The following BAIAP2L1 variants were observed in gnomAD, a reference collection of about 807,000 sequenced individuals.
BAIAP2L1 encodes BAR/IMD domain containing adaptor protein 2 like 1.
A neutral mutation model predicts 66.3 loss-of-function variants in BAIAP2L1; 35 were observed. The ratio of observed to expected loss-of-function variants is 0.53; its 90% CI spans 0.40 to 0.70. The LOEUF is 0.70. Among genes scored for constraint, BAIAP2L1 ranks in the 30% least tolerant of loss-of-function variants. BAIAP2L1 has a pLI of 0.00. For missense variants in BAIAP2L1, 622 were observed against 656.9 expected (o/e 0.95, Z 0.58); for synonymous variants, 269 against 248.7 (o/e 1.08, Z -0.77).
intron 5 of BAIAP2L1, among the ~76,000 whole-genome samples, chr7:98,319,290 CT>C (rs1801173421): frequency 6.6e-6 from 1 of 152,190 alleles, no homozygotes; most frequent in African/African-American, 2.4e-5. Context: ...CTGGATAAAC[CT>C]GCTGAAATGG....
At chr7:98,304,887 T>C (rs567699795) in intron 11 of BAIAP2L1, among the ~76,000 whole-genome samples, 61 of 147,466 alleles carry the variant, frequency 4.1e-4, no homozygotes, top group African/African-American at 1.4e-3. Context: ...TTTTTTGAGA[T>C]GGGGTTTCCC....
At chr7:98,393,030 TATATATAC>T (rs1381926796) in intron 1 of BAIAP2L1, among the ~76,000 whole-genome samples, 8 of 124,920 alleles carry the variant, frequency 6.4e-5, no homozygotes, top group Admixed American at 1.7e-4. Flanking sequence ...CATACACACA[TATATATAC>T]ATATATACGT....
intron 3 of BAIAP2L1, among the ~76,000 whole-genome samples, chr7:98,325,867 T>C (rs1253513225): frequency 6.6e-6 from 1 of 152,164 alleles, no homozygotes. Context: ...CCACACTGAA[T>C]CAGTGCGGAG....
intron 1 of BAIAP2L1, chr7:98,385,737 G>T (rs1635612): frequency 0.74 from 823,588 of 1,119,610 alleles, 295,821 homozygotes; most frequent in Admixed American, 0.76. Flanking sequence ...TCTTTTTTTT[G>T]TTGTTTTTTT....
chr7:98,333,453 G>T (rs1434956884), intron 3 of BAIAP2L1, among the ~76,000 whole-genome samples: 1 of 151,982 alleles, frequency 6.6e-6, no homozygotes, highest in Non-Finnish European at 1.5e-5. Flanking sequence ...CAAAAAATTA[G>T]CTGGGCGTGG....
rs375840931 is a variant in BAIAP2L1, at chr7:98,320,354, A to C, written c.215-56T>G. On this transcript the variant is annotated intron_variant, in intron 3 of 13. Transcript: ENST00000005260. ...AGCCATTGCGTATTTTTTTGTTTTG[A>C]AATGGAGTTTTTGCTCTGTCGCCCA... 4.8e-5 allele frequency: 66 copies of C among 1,388,260 alleles called. No homozygotes were observed. The Middle Eastern group carries it at 9.1e-4, about 19-fold the overall frequency. 86.0% of individuals were successfully genotyped at this position (1,388,260 alleles called of 1,614,324 possible).
intron 1 of BAIAP2L1, among the ~76,000 whole-genome samples, chr7:98,388,003 C>T (rs866805665): frequency 1.3e-5 from 2 of 151,924 alleles, no homozygotes; most frequent in Admixed American, 6.6e-5. Context: ...TACTCAGCTC[C>T]ACCTATTTCA....
At chr7:98,375,761 A>AAGAAAAG (rs1251195980) in intron 1 of BAIAP2L1, among the ~76,000 whole-genome samples, 3 of 150,916 alleles carry the variant, frequency 2.0e-5, no homozygotes, top group African/African-American at 4.9e-5. Flanking sequence ...AAAAAAAAAA[A>AAGAAAAG]AGAAAAGAAA....
At chr7:98,349,382 A>T (rs1801949621) in intron 3 of BAIAP2L1, among the ~76,000 whole-genome samples, 1 of 152,208 alleles carries the variant, frequency 6.6e-6, no homozygotes, top group South Asian at 2.1e-4. Context: ...AGACGGCACA[A>T]GAGCGGAGCA....
chr7:98,299,935 G>C (rs990177025), intron 12 of BAIAP2L1, among the ~76,000 whole-genome samples: 2 of 152,184 alleles, frequency 1.3e-5, no homozygotes, highest in African/African-American at 4.8e-5. Flanking sequence ...CAGCTACTTA[G>C]GAGGCTGAGG....
At position 98,329,825 on chromosome 7, in the gene BAIAP2L1, T is replaced by C. The variant is rs190135127; in HGVS notation, c.215-9527A>G. ...AAACATAAGAGGAAGATTCTTCCCC[T>C]CCCCAGTACTTGGCCACCAAGTTAT... On this transcript the variant is annotated intron_variant, in intron 3 of 13. Coordinates refer to ENST00000005260, the MANE Select transcript of BAIAP2L1 (RefSeq NM_018842.5). 7.2e-3 allele frequency among the ~76,000 whole-genome samples: 1,088 copies of C among 152,114 alleles called. 8 individuals are homozygous for C. The highest frequency in any genetic ancestry group is 0.021 in the South Asian group (102 of 4,814).
At chr7:98,306,563 G>T (rs1454900861) in intron 10 of BAIAP2L1, 47 bp from the exon 11 acceptor site, 1 of 1,613,820 alleles carries the variant, frequency 6.2e-7, no homozygotes, top group South Asian at 1.1e-5. Context: ...TAGACATGTG[G>T]ACGGCAACCT....
intron 1 of BAIAP2L1, among the ~76,000 whole-genome samples, chr7:98,393,187 G>T (rs1803111668): frequency 8.3e-6 from 1 of 120,700 alleles, no homozygotes; most frequent in African/African-American, 2.7e-5. Context: ...ACATATATGT[G>T]TGTGTTTATA....
chr7:98,333,668 G>C (rs914697169), intron 3 of BAIAP2L1, among the ~76,000 whole-genome samples: 2 of 152,066 alleles, frequency 1.3e-5, no homozygotes, highest in African/African-American at 4.8e-5. Flanking sequence ...AAAAACTACT[G>C]CAATTTCTTG....
intron 1 of BAIAP2L1, among the ~76,000 whole-genome samples, chr7:98,385,028 G>A (rs533834879): frequency 1.4e-4 from 21 of 152,214 alleles, no homozygotes; most frequent in African/African-American, 4.6e-4. Flanking sequence ...TCGCAGCTGG[G>A]TGGGTGCAGT....
Position 98,400,837 on chromosome 7 carries a change from C to T in BAIAP2L1, c.16G>A (p.Glu6Lys). 6.5e-7 allele frequency: 1 copy of T among 1,545,420 alleles called. No homozygotes were observed. The highest frequency in any genetic ancestry group is 8.7e-7 in the Non-Finnish European group (1 of 1,144,556). Residue 6 changes from glutamate (E) to lysine (K), a missense_variant, in exon 1 of 14, where the codon GAG (glutamate) becomes AAG (lysine). Coordinates refer to ENST00000005260, the MANE Select transcript of BAIAP2L1 (RefSeq NM_018842.5). MSRGP[E>K]EVNRLTESTY... The stretch of plus-strand genomic sequence containing the variant: ...CTCTCCGTGAGCCGGTTCACCTCCT[C>T]GGGCCCCCGGGACATGGCTGCGGCC...
chr7:98,311,153 C>T (rs1004729474), intron 8 of BAIAP2L1, among the ~76,000 whole-genome samples: 3 of 152,144 alleles, frequency 2.0e-5, no homozygotes, highest in African/African-American at 4.8e-5. Context: ...AAGTGCCTTA[C>T]GTTGTGATGA....
chr7:98,400,696 G>T, intron 1 of BAIAP2L1, 106 bp downstream of exon 1: 1 of 1,303,516 alleles, frequency 7.7e-7, no homozygotes, highest in Non-Finnish European at 1.1e-6. Context: ...GAAGGACGCG[G>T]GGGAGGGGAG....
At chr7:98,337,110 T>A (rs983862565) in intron 3 of BAIAP2L1, among the ~76,000 whole-genome samples, 3 of 152,162 alleles carry the variant, frequency 2.0e-5, no homozygotes, top group African/African-American at 7.2e-5. Context: ...CAGGGCCAAC[T>A]AAAACTCTTC....
Sources: gnomAD v4.1 joint callset for allele counts (sites outside exome capture counted in the v4.1 genomes callset) on GRCh38, gnomAD v4.1.1 for gene constraint, MANE v1.5 for transcripts, NCBI Gene and HGNC (gene_info 2026-07-23, HGNC 2026-07-21) for gene names.